Variants in STXBP5L observed in about 807,000 individuals in gnomAD.
The protein encoded by STXBP5L is syntaxin-binding protein 5-like.
STXBP5L carries 65 observed loss-of-function variants against 144.5 expected under a neutral mutation model. That is an observed-to-expected ratio of 0.45 (90% CI 0.37 to 0.55). STXBP5L has a LOEUF of 0.55. Ranked by LOEUF, STXBP5L falls within the 20% of genes least tolerant of loss-of-function variation. The pLI, the probability that STXBP5L is intolerant of heterozygous loss-of-function variation, is 0.00. For synonymous variants in STXBP5L, 505 were observed against 469.6 expected, an observed-to-expected ratio of 1.08 and a Z score of -0.97; for missense variants, 1,298 against 1,405.5, an observed-to-expected ratio of 0.92 and a Z score of 1.22.
intron 3 of STXBP5L, among the ~76,000 whole-genome samples, chr3:121,024,450 C>A (rs1215746435): frequency 6.6e-6 from 1 of 152,026 alleles, no homozygotes; most frequent in Non-Finnish European, 1.5e-5. Flanking sequence ...ATTGAGATAT[C>A]TCTACTCTTG....
intron 10 of STXBP5L, among the ~76,000 whole-genome samples, chr3:121,213,326 A>T (rs940560257): frequency 3.3e-5 from 5 of 152,188 alleles, no homozygotes. Context: ...TTGCCCATTG[A>T]GTATGATATT....
intron 3 of STXBP5L, among the ~76,000 whole-genome samples, chr3:120,999,452 T>A (rs978188099): frequency 2.0e-5 from 3 of 152,214 alleles, no homozygotes; most frequent in African/African-American, 7.2e-5. Flanking sequence ...TTTAATTTGA[T>A]CCTATGTGTG....
intron 23 of STXBP5L, among the ~76,000 whole-genome samples, chr3:121,409,769 TA>T (rs2047074991): frequency 6.6e-6 from 1 of 151,954 alleles, no homozygotes; most frequent in Non-Finnish European, 1.5e-5. Flanking sequence ...GCTTTTGCAC[TA>T]CAGGGCAGAG....
chr3:120,950,701 A>G (rs537410347), intron 2 of STXBP5L, among the ~76,000 whole-genome samples: 1 of 152,336 alleles, frequency 6.6e-6, no homozygotes, highest in African/African-American at 2.4e-5. Context: ...GGTAGGAAGA[A>G]TCAATATCGT....
At chr3:121,259,203 TTAGC>T (rs751008527) in intron 18 of STXBP5L, 35 bp downstream of exon 18, 6 of 1,435,156 alleles carry the variant, frequency 4.2e-6, no homozygotes, top group Non-Finnish European at 5.5e-6. Flanking sequence ...TATGTATTAT[TTAGC>T]TAATATGTTT....
intron 7 of STXBP5L, among the ~76,000 whole-genome samples, chr3:121,147,684 G>T (rs76338161): frequency 1.3e-5 from 2 of 152,190 alleles, no homozygotes; most frequent in South Asian, 2.1e-4. Flanking sequence ...TCATTCTAAA[G>T]GTTTAGGTGA....
chr3:121,298,604 C>G (rs1402449207), intron 19 of STXBP5L, among the ~76,000 whole-genome samples: 1 of 152,072 alleles, frequency 6.6e-6, no homozygotes, highest in African/African-American at 2.4e-5. Context: ...TTGTCATATG[C>G]TACAACATGA....
At chr3:121,198,085 T>C (rs538447967) in intron 9 of STXBP5L, among the ~76,000 whole-genome samples, 106 of 152,318 alleles carry the variant, frequency 7.0e-4, no homozygotes, top group Non-Finnish European at 1.0e-3. Context: ...TCTTCCACAT[T>C]GATTGAAGTA....
rs116179356 is a variant in STXBP5L, at chr3:120,911,400, A to C, written c.189+1633A>C. 7.5e-3 allele frequency among the ~76,000 whole-genome samples: 1,138 copies of C among 152,112 alleles called. 13 individuals are homozygous for C. The highest frequency in any genetic ancestry group is 0.026 in the African/African-American group (1,090 of 41,536). On this transcript the variant is annotated intron_variant, in intron 2 of 26. Transcript: ENST00000471454. ...AGAGCACTGGCCTAGGAATCAGAAA[A>C]TTTGTGTTTTATTTAAAGTTCTGCT...
chr3:121,270,116 A>G (rs1443793249), intron 18 of STXBP5L, among the ~76,000 whole-genome samples: 2 of 152,186 alleles, frequency 1.3e-5, no homozygotes, highest in Non-Finnish European at 2.9e-5. Flanking sequence ...TTTTGATAAA[A>G]TATGAGTAGT....
At chr3:121,174,107 T>C (rs1362523160) in intron 9 of STXBP5L, among the ~76,000 whole-genome samples, 1 of 152,096 alleles carries the variant, frequency 6.6e-6, no homozygotes, top group Admixed American at 6.6e-5. Flanking sequence ...GGAGGTGGCT[T>C]TGAAATTATT....
intron 19 of STXBP5L, among the ~76,000 whole-genome samples, chr3:121,302,908 G>T (rs2051979275): frequency 6.6e-6 from 1 of 152,086 alleles, no homozygotes; most frequent in South Asian, 2.1e-4. Context: ...TTAAACATTA[G>T]ACCTAAAACC....
intron 23 of STXBP5L, among the ~76,000 whole-genome samples, chr3:121,410,665 TGA>T (rs1226907456): frequency 1.3e-5 from 2 of 152,136 alleles, no homozygotes; most frequent in African/African-American, 4.8e-5. Flanking sequence ...AAAGCAAGTT[TGA>T]GAGTAGAGAG....
At chr3:121,184,957 G>A (rs2047314008) in intron 9 of STXBP5L, among the ~76,000 whole-genome samples, 1 of 152,132 alleles carries the variant, frequency 6.6e-6, no homozygotes, top group South Asian at 2.1e-4. Flanking sequence ...TTCATATCCA[G>A]CCAAATAGTT....
At chr3:120,974,967 C>G (rs922003883) in intron 3 of STXBP5L, among the ~76,000 whole-genome samples, 1 of 152,100 alleles carries the variant, frequency 6.6e-6, no homozygotes, top group Non-Finnish European at 1.5e-5. Context: ...AGTTTGAAGT[C>G]GGGTAGCGTG....
rs1048194155 is a variant in STXBP5L, at chr3:121,134,577, C to T, written c.669+12873C>T. 2.6e-5 allele frequency among the ~76,000 whole-genome samples: 4 copies of T among 151,866 alleles called. No homozygotes were observed. The East Asian group carries it at 7.7e-4, about 29-fold the overall frequency. On this transcript the variant is annotated intron_variant, in intron 7 of 26. Transcript: ENST00000471454. Reference sequence around the variant, plus strand: ...CCCCTTCCCCCACCCCATAACAGGCCCTGGTGTGTGATGTTCCCCTTCCTG... The same window carrying T: ...CCCCTTCCCCCACCCCATAACAGGCTCTGGTGTGTGATGTTCCCCTTCCTG...
chr3:120,979,081 C>G (rs1197963100), intron 3 of STXBP5L, among the ~76,000 whole-genome samples: 2 of 152,202 alleles, frequency 1.3e-5, no homozygotes, highest in Non-Finnish European at 2.9e-5. Context: ...TCAAAGCTGT[C>G]AGACAGGGAC....
intron 3 of STXBP5L, among the ~76,000 whole-genome samples, chr3:121,002,945 C>T (rs950746575): frequency 6.6e-6 from 1 of 152,138 alleles, no homozygotes; most frequent in Non-Finnish European, 1.5e-5. Context: ...TTTCTTGATC[C>T]AGTCTATTAT....
chr3:121,220,251 T>C (rs2048933734), intron 10 of STXBP5L, among the ~76,000 whole-genome samples: 1 of 152,104 alleles, frequency 6.6e-6, no homozygotes, highest in South Asian at 2.1e-4. Context: ...CCTAGCTTCT[T>C]TCACTCAGCA....
Sources: gnomAD v4.1 joint callset for allele counts (sites outside exome capture counted in the v4.1 genomes callset) on GRCh38, gnomAD v4.1.1 for gene constraint, MANE v1.5 for transcripts, NCBI Gene and HGNC (gene_info 2026-07-23, HGNC 2026-07-21) for gene names.